The following UBE2F variants were observed in gnomAD, a reference collection of about 807,000 sequenced individuals.
UBE2F encodes ubiquitin conjugating enzyme E2 F (putative).
A neutral mutation model predicts 29.6 loss-of-function variants in UBE2F; 5 were observed. The ratio of observed to expected loss-of-function variants is 0.17; its 90% CI spans 0.09 to 0.36. The LOEUF is 0.36. Ranked by LOEUF, UBE2F falls within the 10% of genes least tolerant of loss-of-function variation. The probability of loss-of-function intolerance (pLI) is 1.00; values close to 1 mark genes in which losing one functional copy is unlikely to be tolerated. For missense variants in UBE2F, 141 were observed against 228.5 expected, an observed-to-expected ratio of 0.62 and a Z score of 2.47; for synonymous variants, 66 against 81.8, an observed-to-expected ratio of 0.81 and a Z score of 1.04.
intron 7 of UBE2F, among the ~76,000 whole-genome samples, chr2:238,031,072 G>A (rs1162320412): frequency 6.6e-6 from 1 of 152,248 alleles, no homozygotes; most frequent in Non-Finnish European, 1.5e-5. Context: ...AGCACAGGAA[G>A]GGGCTTTTGG....
chr2:238,036,002 C>G (rs1203639259), intron 9 of UBE2F, 62 bp downstream of exon 9: 1 of 1,406,262 alleles, frequency 7.1e-7, no homozygotes, highest in South Asian at 1.2e-5. Context: ...TTACTACTGT[C>G]TCTTGATTGG....
At chr2:238,019,294 C>T (rs1363467392) in intron 5 of UBE2F, among the ~76,000 whole-genome samples, 11 of 152,288 alleles carry the variant, frequency 7.2e-5, no homozygotes, top group Non-Finnish European at 1.6e-4. Context: ...GTACTGAGAG[C>T]AGCTGGTGGC....
At chr2:237,996,377 C>G (rs1436416412) in intron 4 of UBE2F, among the ~76,000 whole-genome samples, 1 of 152,078 alleles carries the variant, frequency 6.6e-6, no homozygotes, top group Non-Finnish European at 1.5e-5. Flanking sequence ...GGTCCTTGGC[C>G]ACTCAAAGAT....
At chr2:238,032,111 A>G (rs145470986) in intron 7 of UBE2F, 111 bp from the exon 8 acceptor site, 9,288 of 783,426 alleles carry the variant, frequency 0.012, 74 homozygotes, top group Non-Finnish European at 0.016. Context: ...AAAACAAACC[A>G]TGCTAAAGAC....
At chr2:237,987,754 T>A (rs1160811290) in intron 2 of UBE2F, among the ~76,000 whole-genome samples, 2 of 152,234 alleles carry the variant, frequency 1.3e-5, no homozygotes, top group Non-Finnish European at 2.9e-5. Context: ...CAAGGACTTT[T>A]GACTGAATTT....
rs187198085 is a variant in UBE2F, at chr2:238,003,701, G to A, written c.214+8892G>A. Reference sequence around the variant, plus strand: ...ATTACCACCACTCTTTAAGTTTCCCGTTCCACCTGATGGTGTCTTTTATGT... The same window carrying A: ...ATTACCACCACTCTTTAAGTTTCCCATTCCACCTGATGGTGTCTTTTATGT... On this transcript the variant is annotated intron_variant, in intron 4 of 9. Transcript: ENST00000272930. Among the ~76,000 whole-genome samples the A allele has an allele frequency of 3.2e-4, 49 of 152,170 alleles. No individual in the cohort carries two copies. The South Asian group carries it at 6.2e-3, about 19-fold the overall frequency.
At chr2:238,007,483 T>C (rs1450534199) in intron 4 of UBE2F, among the ~76,000 whole-genome samples, 1 of 151,798 alleles carries the variant, frequency 6.6e-6, no homozygotes, top group African/African-American at 2.4e-5. Flanking sequence ...TACTTCTTGT[T>C]TGCATATATA....
intron 2 of UBE2F, among the ~76,000 whole-genome samples, chr2:237,987,762 T>G (rs995849493): frequency 9.2e-5 from 14 of 152,208 alleles, no homozygotes; most frequent in African/African-American, 3.4e-4. Flanking sequence ...TTTGACTGAA[T>G]TTGTTGGCAT....
intron 2 of UBE2F, among the ~76,000 whole-genome samples, chr2:237,983,769 C>G (rs1053178321): frequency 6.6e-6 from 1 of 152,174 alleles, no homozygotes; most frequent in African/African-American, 2.4e-5. Context: ...TCAGCAAGGT[C>G]TGATCCACTT....
chr2:237,983,340 C>G (rs1229531221), intron 2 of UBE2F, among the ~76,000 whole-genome samples: 1 of 152,266 alleles, frequency 6.6e-6, no homozygotes, highest in African/African-American at 2.4e-5. Flanking sequence ...CAGAGCATGT[C>G]CTGGCCCTGA....
intron 5 of UBE2F, among the ~76,000 whole-genome samples, 199 bp downstream of exon 5, chr2:238,016,832 C>G (rs2064165964): frequency 6.6e-6 from 1 of 152,036 alleles, no homozygotes; most frequent in Non-Finnish European, 1.5e-5. Context: ...GTTTATTCAG[C>G]AAATACTTAT....
At chr2:238,041,223 G>T in intron 9 of UBE2F, 65 bp from the exon 10 acceptor site, 1 of 1,470,580 alleles carries the variant, frequency 6.8e-7, no homozygotes, top group Non-Finnish European at 9.5e-7. Flanking sequence ...TCCCTGAAGC[G>T]CTGCTTCACT....
At chr2:237,997,715 A>T (rs190124967) in intron 4 of UBE2F, among the ~76,000 whole-genome samples, 1 of 152,310 alleles carries the variant, frequency 6.6e-6, no homozygotes, top group East Asian at 1.9e-4. Flanking sequence ...ACACCTCTTT[A>T]TCTGGCTCCT....
chr2:238,026,323 C>T (rs146391411), intron 6 of UBE2F, among the ~76,000 whole-genome samples: 15 of 152,348 alleles, frequency 9.8e-5, no homozygotes, highest in African/African-American at 3.6e-4. Flanking sequence ...AGTCATTTCT[C>T]ATGCTCAACT....
At chr2:238,037,271 A>G (rs72979017) in intron 9 of UBE2F, among the ~76,000 whole-genome samples, 10,716 of 152,348 alleles carry the variant, frequency 0.07, 407 homozygotes, top group African/African-American at 0.11. Context: ...ACCCAAGCTG[A>G]AAGAATTATA....
intron 3 of UBE2F, among the ~76,000 whole-genome samples, chr2:237,994,116 T>TC (rs1213422842): frequency 6.6e-6 from 1 of 151,088 alleles, no homozygotes; most frequent in African/African-American, 2.4e-5. Context: ...CTTCTTTTTT[T>TC]TTTTTTTTTT....
intron 2 of UBE2F, chr2:237,973,806 A>C (rs762294300): frequency 6.3e-6 from 4 of 630,474 alleles, no homozygotes; most frequent in Non-Finnish European, 8.7e-6. Flanking sequence ...GTATGCGTGC[A>C]TGCAGATATG....
intron 3 of UBE2F, among the ~76,000 whole-genome samples, chr2:237,988,229 T>C (rs2063520124): frequency 6.6e-6 from 1 of 151,992 alleles, no homozygotes; most frequent in Non-Finnish European, 1.5e-5. Context: ...AGCTGGATCA[T>C]TTGAGGTTAG....
intron 4 of UBE2F, among the ~76,000 whole-genome samples, chr2:238,014,115 T>C (rs1257083405): frequency 6.6e-6 from 1 of 152,212 alleles, no homozygotes; most frequent in Non-Finnish European, 1.5e-5. Context: ...TCTGAACTCT[T>C]AAGCTGGGGA....
Sources: allele counts gnomAD v4.1 joint callset (sites outside exome capture counted in the v4.1 genomes callset), GRCh38; gene constraint gnomAD v4.1.1; transcripts MANE v1.5; gene names NCBI Gene and HGNC (gene_info 2026-07-23, HGNC 2026-07-21).